The following AIRE variants were observed in gnomAD, a reference collection of about 807,000 sequenced individuals.
The protein encoded by AIRE is autoimmune polyendocrinopathy candidiasis ectodermal dystrophy protein.
In AIRE, 52 loss-of-function variants were observed where a neutral mutation model predicts 62.1. That is an observed-to-expected ratio of 0.84 (90% CI 0.67 to 1.06). The LOEUF is 1.06. AIRE is among the 50% of genes least tolerant of loss of function. AIRE has a pLI of 0.00. For missense variants in AIRE, 774 were observed against 755.8 expected (o/e 1.02, Z -0.28); for synonymous variants, 342 against 321.6 (o/e 1.06, Z -0.68).
Position 44,289,820 on chromosome 21 carries a change from C to T in AIRE, c.798+18C>T. On this transcript the variant is annotated intron_variant, in intron 6 of 13. Coordinates refer to ENST00000291582, the MANE Select transcript of AIRE (RefSeq NM_000383.4). ...CTGCCCCCGTAAGCACCTGACCTTCCCTGGGGAGCCTGGCTCTTGATGCCC... is the reference window on the plus strand; with the variant it reads ...CTGCCCCCGTAAGCACCTGACCTTCTCTGGGGAGCCTGGCTCTTGATGCCC... The T allele has an allele frequency of 6.2e-7, 1 of 1,612,172 alleles. No individual in the cohort carries two copies. Among genetic ancestry groups the T allele is most frequent in the Non-Finnish European group, 8.5e-7 (1 of 1,179,880 alleles).
At chr21:44,288,265 G>A (rs1337075446) in intron 4 of AIRE, 80 bp from the exon 5 acceptor site, 23 of 1,198,866 alleles carry the variant, frequency 1.9e-5, no homozygotes, top group Non-Finnish European at 2.6e-5. Context: ...GCAGCCCAGT[G>A]CTGCCTGCTT....
rs179363886 is a variant in AIRE at position 44,286,068 on chromosome 21, C to T, written c.62C>T (p.Ala21Val). 6.5e-6 allele frequency: 10 copies of T among 1,542,984 alleles called. No individual in the cohort carries two copies. The highest frequency in any genetic ancestry group is 8.7e-6 in the Non-Finnish European group (10 of 1,146,152). ...LRLHRTEIAV[A>V]VDSAFPLLHA... ...CTGCACCGCACGGAGATCGCGGTGG[C>T]CGTGGACAGCGCCTTCCCACTGCTG... Residue 21 changes from alanine (A) to valine (V), a missense_variant, in exon 1 of 14, where the codon GCC becomes GTC. By Grantham distance (64) the Ala-to-Val change is moderately conservative. Around this residue, in one of 3 missense-constraint regions of AIRE, gnomAD observed 385 missense variants for 396.0 expected, o/e 0.97. Coordinates refer to ENST00000291582, the MANE Select transcript of AIRE (RefSeq NM_000383.4). This position sits in a 1 kb window ranked among gnomAD's most constrained non-coding sequence, Gnocchi z 6.0.
In AIRE at chr21:44,289,713, G is replaced by T. The variant is rs778067704; in HGVS notation, c.709G>T (p.Glu237Ter). The T allele has an allele frequency of 6.2e-7, 1 of 1,612,824 alleles. No individual in the cohort carries two copies. Among genetic ancestry groups the T allele is most frequent in the African/African-American group, 1.3e-5 (1 of 75,050 alleles). The part of the protein sequence containing the change: ...GGEFYTPSKF[E>*]DSGSGKNKAR... ...GGAGTTCTACACTCCCAGCAAGTTC[G>T]AAGACTCCGGCAGTGGGAAGAACAA... The change falls in exon 6 of 14, where the codon GAA becomes TAA. Residue 237 changes from glutamate to a stop codon, truncating the protein, a stop_gained. Transcript: ENST00000291582. LOFTEE classifies it high-confidence loss of function.
chr21:44,297,042 G>A lies in AIRE; in HGVS notation c.1566+597G>A, dbSNP rs917853182. On this transcript the variant is annotated intron_variant, in intron 13 of 13. Transcript: ENST00000291582. This position sits in a 1 kb window ranked among gnomAD's most constrained non-coding sequence, Gnocchi z 4.8. ...GGGTCCCAGCTGACCATGGGGCAGG[G>A]GTTCTGCCCTGTGCAGTGGCCGTGC... Among the ~76,000 whole-genome samples the A allele has an allele frequency of 3.9e-5, 6 of 152,216 alleles. No homozygotes were observed. The highest frequency in any genetic ancestry group is 7.4e-5 in the Non-Finnish European group (5 of 68,010).
At chr21:44,296,835 G>A (rs1056412588) in intron 13 of AIRE, among the ~76,000 whole-genome samples, 1 of 152,096 alleles carries the variant, frequency 6.6e-6, no homozygotes, top group Admixed American at 6.5e-5. Flanking sequence ...GTGGGGGGGG[G>A]GTCCCAGACC....
chr21:44,288,142 G>A (rs1018068087), intron 4 of AIRE, among the ~76,000 whole-genome samples: 1 of 152,332 alleles, frequency 6.6e-6, no homozygotes, highest in South Asian at 2.1e-4. Context: ...GCACACTTGG[G>A]TGCACACACG....
intron 11 of AIRE, 50 bp from the exon 12 acceptor site, chr21:44,294,351 G>A: frequency 1.5e-6 from 2 of 1,299,688 alleles, no homozygotes; most frequent in South Asian, 1.3e-5. Flanking sequence ...CCCCGGAGGT[G>A]GCACTCCTGC....
In AIRE at chr21:44,292,214, C is replaced by T. The variant is rs546811801; in HGVS notation, c.996-88C>T. Reference sequence around the variant, plus strand: ...TTCCCCCTCTGTGAAAAGACATGGTCGGAGCCCTGGAGCTCCACCCGTGGG... The same window carrying T: ...TTCCCCCTCTGTGAAAAGACATGGTTGGAGCCCTGGAGCTCCACCCGTGGG... On this transcript the variant is annotated intron_variant, in intron 8 of 13. Transcript: ENST00000291582. 52 of 1,048,054 alleles carry T rather than the reference C, an allele frequency of 5.0e-5. No homozygotes were observed. In the East Asian group the frequency reaches 8.5e-4, roughly 17 times the overall value. 64.9% of individuals were successfully genotyped at this position (1,048,054 alleles called of 1,614,324 possible). A position where few individuals can be genotyped will look rare whatever the true frequency, so the allele number is the denominator to read the frequency against.
Position 44,285,942 on chromosome 21 carries a change from G to T in AIRE, c.-65G>T. On this transcript the variant is annotated 5_prime_UTR_variant, in exon 1 of 14. Coordinates refer to ENST00000291582, the MANE Select transcript of AIRE (RefSeq NM_000383.4). The stretch of plus-strand genomic sequence containing the variant: ...GCCCCGCCGGGACCCGAGGCCAAGC[G>T]AGGGGCTGCCAGTGTCCCGGGACCC... 1 of 1,473,106 alleles carries T rather than the reference G, an allele frequency of 6.8e-7. No homozygotes were observed. The highest frequency in any genetic ancestry group is 1.3e-5 in the South Asian group (1 of 79,972). 91.3% of individuals were successfully genotyped at this position (1,473,106 alleles called of 1,614,324 possible).
intron 7 of AIRE, 172 bp from the exon 8 acceptor site, chr21:44,290,923 A>T: frequency 6.2e-7 from 1 of 1,611,650 alleles, no homozygotes; most frequent in African/African-American, 1.3e-5. Context: ...ATGGATGGGG[A>T]ACAGGTGGTC....
intron 9 of AIRE, 78 bp downstream of exon 9, chr21:44,292,479 C>A: frequency 1.1e-6 from 1 of 926,144 alleles, no homozygotes; most frequent in Non-Finnish European, 1.7e-6. Context: ...GGGCCACCCC[C>A]TCCTGTCCGT....
At position 44,289,809 on chromosome 21, in the gene AIRE, ACCTGACCTTC is replaced by A. The variant is rs1456310412; in HGVS notation, c.798+12_798+21del. The A allele has an allele frequency of 1.2e-6, 2 of 1,612,292 alleles. No individual in the cohort carries two copies. Among genetic ancestry groups the A allele is most frequent in the Non-Finnish European group, 1.7e-6 (2 of 1,179,902 alleles). ...AGCCCAGGGCGCTGCCCCCGTAAGC[ACCTGACCTTC>A]CCTGGGGAGCCTGGCTCTTGATGCC... On this transcript the variant is annotated splice_region_variant and intron_variant, in intron 6 of 13. Transcript: ENST00000291582.
chr21:44,288,519 G>A, intron 5 of AIRE, 61 bp downstream of exon 5: 1 of 1,266,480 alleles, frequency 7.9e-7, no homozygotes, highest in Non-Finnish European at 1.1e-6. Context: ...GATGGAAGGA[G>A]GACCACGCCC....
Position 44,286,164 on chromosome 21 carries a change from G to GGCCCCCC in AIRE, c.132+26_132+27insGCCCCCC. 4 of 1,414,108 alleles carry GGCCCCCC rather than the reference G, an allele frequency of 2.8e-6. No homozygotes were observed. Among genetic ancestry groups the GGCCCCCC allele is most frequent in the East Asian group, 2.9e-5 (1 of 34,164 alleles). The allele number at this position is 1,414,108 out of a possible 1,614,324, so 87.6% of individuals were successfully genotyped here. On this transcript the variant is annotated intron_variant, in intron 1 of 13. Transcript: ENST00000291582. The surrounding 1 kb of genome is among the most constrained non-coding windows in gnomAD (Gnocchi z 6.0). Reference sequence around the variant, plus strand: ...GTGGGCTCCCCGCCCGCCCCCCGCTGCCCCCAGGCCCTGTGAGCCAGGGAT... The same window carrying GGCCCCCC: ...GTGGGCTCCCCGCCCGCCCCCCGCTGGCCCCCCCCCCCAGGCCCTGTGAGCCAGGGAT...
intron 5 of AIRE, chr21:44,289,018 T>A (rs1055041243): frequency 2.4e-5 from 4 of 166,920 alleles, no homozygotes; most frequent in African/African-American, 9.6e-5. Context: ...TCCTCGGTGC[T>A]GGACATGGGC....
At chr21:44,291,249 G>C in intron 8 of AIRE, 39 bp downstream of exon 8, 2 of 1,594,086 alleles carry the variant, frequency 1.3e-6, no homozygotes, top group Non-Finnish European at 1.7e-6. Flanking sequence ...AGGCCACCCC[G>C]GTTCACGGCC....
Position 44,286,924 on chromosome 21 carries a change from T to TA in AIRE, c.308-53dup. 6.2e-7 allele frequency: 1 copy of TA among 1,611,080 alleles called. No individual in the cohort carries two copies. Among genetic ancestry groups the TA allele is most frequent in the Non-Finnish European group, 8.5e-7 (1 of 1,178,718 alleles). On this transcript the variant is annotated intron_variant, in intron 2 of 13. Coordinates refer to ENST00000291582, the MANE Select transcript of AIRE (RefSeq NM_000383.4). The surrounding 1 kb of genome is among the most constrained non-coding windows in gnomAD (Gnocchi z 6.0). ...AGGTGTCCAGTTCTGGGGCCCACCC[T>TA]ACCCCTGGAGAAAACCCTGAGGTTG... is the stretch of plus-strand genomic sequence containing the variant.
rs1443015873 is a variant in AIRE, at chr21:44,286,808, C to T, written c.307+77C>T. ...CCTGCTCAGCCCAGCTGGACTGGAA[C>T]CGGAGTGGTGTTTGAGGAGCCCGTG... On this transcript the variant is annotated intron_variant, in intron 2 of 13. Coordinates refer to ENST00000291582, the MANE Select transcript of AIRE (RefSeq NM_000383.4). The surrounding 1 kb of genome is among the most constrained non-coding windows in gnomAD (Gnocchi z 6.0). 1.3e-6 allele frequency: 2 copies of T among 1,584,324 alleles called. No individual in the cohort carries two copies. The highest frequency in any genetic ancestry group is 1.7e-6 in the Non-Finnish European group (2 of 1,157,060).
intron 10 of AIRE, 107 bp downstream of exon 10, chr21:44,293,282 T>C: frequency 1.1e-6 from 1 of 880,782 alleles, no homozygotes; most frequent in Non-Finnish European, 1.5e-6. Flanking sequence ...CGAGAAAGGC[T>C]CCGGGAGGCA....
Sources: gnomAD v4.1 joint callset for allele counts (sites outside exome capture counted in the v4.1 genomes callset) on GRCh38, gnomAD v4.1.1 for gene constraint, gnomAD v4.1.1 regional missense constraint, Gnocchi (gnomAD v3.1) non-coding constraint, MANE v1.5 for transcripts, NCBI Gene and HGNC (gene_info 2026-07-23, HGNC 2026-07-21) for gene names.